NUSAP1: variants seen among roughly 807,000 people sequenced by gnomAD.
NUSAP1 encodes the protein nucleolar and spindle associated protein 1.
NUSAP1 carries 32 observed loss-of-function variants against 52.8 expected under a neutral mutation model. The observed-to-expected ratio is 0.61, with a 90% CI of 0.46 to 0.81. The LOEUF is 0.81. Among genes scored for constraint, NUSAP1 ranks in the 40% least tolerant of loss-of-function variants. NUSAP1 has a pLI of 0.00. For synonymous variants in NUSAP1, 195 were observed against 183.1 expected (o/e 1.06, Z -0.52); for missense variants, 499 against 522.3 (o/e 0.96, Z 0.43).
chr15:41,342,571 C>G lies in NUSAP1; in HGVS notation c.162+117C>G. ...ACATGCTGTTGGCCAGGTGTTGTGG[C>G]TCACGCCTATACTCCTAGCACTTTG... On this transcript the variant is annotated intron_variant, in intron 2 of 10. Coordinates refer to ENST00000559596, the MANE Select transcript of NUSAP1 (RefSeq NM_016359.5). The G allele has an allele frequency of 3.8e-6, 3 of 792,576 alleles. No individual in the cohort carries two copies. The South Asian group carries it at 5.1e-5, about 14-fold the overall frequency. The allele number at this position is 792,576 out of a possible 1,614,324, so 49.1% of individuals were successfully genotyped here. A position where few individuals can be genotyped will look rare whatever the true frequency, so the allele number is the denominator to read the frequency against.
chr15:41,333,161 C>G, intron 1 of NUSAP1, 111 bp downstream of exon 1: 1 of 766,848 alleles, frequency 1.3e-6, no homozygotes, highest in Non-Finnish European at 2.2e-6. Flanking sequence ...GCAGCTCTCC[C>G]TGCCCCTCGG....
At chr15:41,353,988 A>G (rs1033304203) in intron 4 of NUSAP1, among the ~76,000 whole-genome samples, 5 of 152,230 alleles carry the variant, frequency 3.3e-5, no homozygotes, top group African/African-American at 1.2e-4. Flanking sequence ...AAGGTCAAAA[A>G]AATAAAGAAA....
chr15:41,351,169 A>G (rs2048764917), intron 4 of NUSAP1, 40 bp downstream of exon 4: 1 of 1,587,414 alleles, frequency 6.3e-7, no homozygotes, highest in Non-Finnish European at 8.6e-7. Flanking sequence ...AACTTTAAAA[A>G]CCAAAATTGC....
rs539067450 is a variant in NUSAP1, at chr15:41,376,785, T to G, written c.1124-411T>G. Among the ~76,000 whole-genome samples, 32 of 149,672 alleles carry G rather than the reference T, an allele frequency of 2.1e-4. 1 individual carries two copies. In the South Asian group the frequency reaches 6.4e-3, roughly 30 times the overall value. On this transcript the variant is annotated intron_variant, in intron 9 of 10. Coordinates refer to ENST00000559596, the MANE Select transcript of NUSAP1 (RefSeq NM_016359.5). ...TTGGTCCCAGTTCTTTTTGTAAAAT[T>G]GCAAATTGGTTGGACACAGTGGCTC...
intron 6 of NUSAP1, among the ~76,000 whole-genome samples, chr15:41,358,857 T>C (rs1372567028): frequency 6.6e-6 from 1 of 152,230 alleles, no homozygotes; most frequent in East Asian, 1.9e-4. Flanking sequence ...AACTTATGGC[T>C]GAAGCCATCT....
rs368750640 is a variant in NUSAP1 at position 41,338,395 on chromosome 15, A to C, written c.94-3991A>C. ...GACAGTCTCTTCCCCATCTCAGTAC[A>C]TTGTTCAGGCCCAGTTTGGATCACC... is the stretch of plus-strand genomic sequence containing the variant. On this transcript the variant is annotated intron_variant, in intron 1 of 10. Transcript: ENST00000559596. Among the ~76,000 whole-genome samples the C allele has an allele frequency of 9.5e-4, 144 of 152,118 alleles. 2 individuals are homozygous for C. In the South Asian group the frequency reaches 0.029, roughly 31 times the overall value.
At chr15:41,340,764 A>C (rs940599166) in intron 1 of NUSAP1, among the ~76,000 whole-genome samples, 6 of 152,224 alleles carry the variant, frequency 3.9e-5, no homozygotes, top group Admixed American at 3.3e-4. Context: ...GGTTCAAGGA[A>C]CAAGTAGAAA....
At chr15:41,368,725 A>ATTTT (rs2049523565) in intron 7 of NUSAP1, among the ~76,000 whole-genome samples, 1 of 100,120 alleles carries the variant, frequency 1.0e-5, no homozygotes, top group African/African-American at 3.9e-5. Flanking sequence ...TTTTTATTTT[A>ATTTT]TTCTTTTTTT....
At chr15:41,370,799 A>G (rs1020458821) in intron 7 of NUSAP1, among the ~76,000 whole-genome samples, 10 of 150,736 alleles carry the variant, frequency 6.6e-5, no homozygotes, top group Admixed American at 1.3e-4. Flanking sequence ...GCACATACCC[A>G]TAGTCCCAGC....
At chr15:41,379,635 C>T (rs1428550814) in intron 10 of NUSAP1, among the ~76,000 whole-genome samples, 2 of 152,092 alleles carry the variant, frequency 1.3e-5, no homozygotes, top group Non-Finnish European at 2.9e-5. Flanking sequence ...ACCTCCGCCT[C>T]CCGGGTTCAA....
chr15:41,373,420 T>G (rs1386219533), intron 8 of NUSAP1, among the ~76,000 whole-genome samples: 2 of 151,526 alleles, frequency 1.3e-5, no homozygotes, highest in Non-Finnish European at 2.9e-5. Flanking sequence ...CTGGATATTT[T>G]TAACTTCGTG....
At chr15:41,335,645 T>C (rs930236327) in intron 1 of NUSAP1, among the ~76,000 whole-genome samples, 3 of 139,824 alleles carry the variant, frequency 2.1e-5, no homozygotes, top group African/African-American at 5.2e-5. Flanking sequence ...TATATATAAA[T>C]ATATTAAATA....
Position 41,380,303 on chromosome 15 carries a change from A to G in NUSAP1, c.*117A>G. The G allele has an allele frequency of 3.0e-6, 2 of 672,504 alleles. No individual in the cohort carries two copies. The highest frequency in any genetic ancestry group is 1.9e-5 in the South Asian group (1 of 53,512). The allele number at this position is 672,504 out of a possible 1,614,324, so 41.7% of individuals were successfully genotyped here. On this transcript the variant is annotated 3_prime_UTR_variant, in exon 11 of 11. Coordinates refer to ENST00000559596, the MANE Select transcript of NUSAP1 (RefSeq NM_016359.5). ...CGAGATCTTTTTCTGCTAACTGTTC[A>G]TAGTCTGTGTAGTGTCCATGGGTTC...
At chr15:41,345,497 C>T in intron 2 of NUSAP1, 3 of 411,828 alleles carry the variant, frequency 7.3e-6, no homozygotes, top group South Asian at 5.2e-5. Context: ...TTCACTCTTG[C>T]TGCCCAGGCT....
rs758639907 is a variant in NUSAP1, at chr15:41,332,954, C to A, written c.-4C>A. ...TCCGAGTATCGCCGGGATTTCGAAT[C>A]GCGATGATCATCCCCTCTCTAGAGG... On this transcript the variant is annotated 5_prime_UTR_variant, in exon 1 of 11. Coordinates refer to ENST00000559596, the MANE Select transcript of NUSAP1 (RefSeq NM_016359.5). 3.1e-6 allele frequency: 5 copies of A among 1,606,250 alleles called. No individual in the cohort carries two copies. The highest frequency in any genetic ancestry group is 3.4e-6 in the Non-Finnish European group (4 of 1,175,662).
chr15:41,375,589 G>A (rs533770318), intron 8 of NUSAP1, 123 bp from the exon 9 acceptor site: 31 of 659,820 alleles, frequency 4.7e-5, no homozygotes, highest in Middle Eastern at 2.9e-4. Flanking sequence ...GGGATTACAG[G>A]TGTGGGCCAC....
chr15:41,343,843 A>G (rs1187890879), intron 2 of NUSAP1, among the ~76,000 whole-genome samples: 1 of 152,100 alleles, frequency 6.6e-6, no homozygotes, highest in Admixed American at 6.6e-5. Flanking sequence ...GACAAGAACT[A>G]TTTTTGAATT....
chr15:41,363,164 G>T (rs908256666), intron 6 of NUSAP1, among the ~76,000 whole-genome samples: 1 of 151,496 alleles, frequency 6.6e-6, no homozygotes, highest in African/African-American at 2.4e-5. Flanking sequence ...GCAGATGCCT[G>T]TAATCCCAGC....
chr15:41,333,079 G>C (rs1350753242), intron 1 of NUSAP1, 29 bp downstream of exon 1: 2 of 1,554,368 alleles, frequency 1.3e-6, no homozygotes, highest in East Asian at 4.6e-5. Flanking sequence ...GGGTCCCTGG[G>C]CGGGCGCGGC....
Sources: allele counts gnomAD v4.1 joint callset (sites outside exome capture counted in the v4.1 genomes callset), GRCh38; gene constraint gnomAD v4.1.1; transcripts MANE v1.5; gene names NCBI Gene and HGNC (gene_info 2026-07-23, HGNC 2026-07-21).